The following PHACTR2 variants were observed in gnomAD, a reference collection of about 807,000 sequenced individuals.
The protein encoded by PHACTR2 is chromosome 6 open reading frame 56.
A neutral mutation model predicts 76.0 loss-of-function variants in PHACTR2; 30 were observed. The observed-to-expected ratio is 0.39, with a 90% CI of 0.30 to 0.54. The LOEUF (loss-of-function observed/expected upper bound fraction) is 0.54, where lower values mean the gene tolerates loss of function less well. PHACTR2 is among the 20% of genes least tolerant of loss of function. The probability of loss-of-function intolerance (pLI) is 0.61; values close to 1 mark genes in which losing one functional copy is unlikely to be tolerated. For missense variants in PHACTR2, 696 were observed against 781.1 expected (o/e 0.89, Z 1.30); for synonymous variants, 292 against 292.5 (o/e 1.00, Z 0.02).
chr6:143,792,314 T>A (rs568410296), intron 11 of PHACTR2, among the ~76,000 whole-genome samples: 1 of 152,126 alleles, frequency 6.6e-6, no homozygotes, highest in African/African-American at 2.4e-5. Context: ...GCATTTTAAT[T>A]GTTTTTCAAT....
chr6:143,611,933 AAAG>A lies in PHACTR2; in HGVS notation c.13+3612_13+3614del, dbSNP rs1180725298. ...GGAGGCAGGGAGAACTGCAGCAGTC[AAAG>A]GAGACCCTGGAGGTTTCCCGTTAGA... On this transcript the variant is annotated intron_variant, in intron 1 of 11. Transcript: ENST00000305766. The surrounding 1 kb of genome is among the most constrained non-coding windows in gnomAD (Gnocchi z 4.4). Among the ~76,000 whole-genome samples the A allele has an allele frequency of 6.6e-6, 1 of 152,208 alleles. No individual in the cohort carries two copies. The highest frequency in any genetic ancestry group is 1.5e-5 in the Non-Finnish European group (1 of 68,026).
chr6:143,731,424 A>C lies in PHACTR2; in HGVS notation c.215-17561A>C, dbSNP rs1444808138. 6.6e-6 allele frequency among the ~76,000 whole-genome samples: 1 copy of C among 152,088 alleles called. No individual in the cohort carries two copies. The highest frequency in any genetic ancestry group is 1.9e-4 in the East Asian group (1 of 5,184). Reference sequence around the variant, plus strand: ...TGCCTCAGCCTCCGGAGTAGCTGGGATTATAGGCATGAGCCACCACGCCCG... The same window carrying C: ...TGCCTCAGCCTCCGGAGTAGCTGGGCTTATAGGCATGAGCCACCACGCCCG... On this transcript the variant is annotated intron_variant, in intron 2 of 12. Coordinates refer to ENST00000440869, the MANE Select transcript of PHACTR2 (RefSeq NM_001100164.2). The surrounding 1 kb of genome is among the most constrained non-coding windows in gnomAD (Gnocchi z 4.9).
chr6:143,544,267 C>T (rs991620647), intron 1 of PHACTR2, among the ~76,000 whole-genome samples: 29 of 152,046 alleles, frequency 1.9e-4, no homozygotes, highest in Middle Eastern at 3.4e-3. Flanking sequence ...GGAAGGAAGG[C>T]GGGCAGGCTC....
In PHACTR2 at chr6:143,760,801, G is replaced by A. The variant is rs1779424536; in HGVS notation, c.694+161G>A. ...AGAATGCCCAGGAGATTCCTTTGTT[G>A]CTCTCTACCAAAGGAAATTCAACCC... On this transcript the variant is annotated intron_variant, in intron 5 of 12. Coordinates refer to ENST00000440869, the MANE Select transcript of PHACTR2 (RefSeq NM_001100164.2). This position sits in a 1 kb window ranked among gnomAD's most constrained non-coding sequence, Gnocchi z 6.4. Among the ~76,000 whole-genome samples the A allele has an allele frequency of 6.6e-6, 1 of 152,140 alleles. No individual in the cohort carries two copies. Among genetic ancestry groups the A allele is most frequent in the African/African-American group, 2.4e-5 (1 of 41,416 alleles).
rs930471077 is a variant in PHACTR2 at position 143,672,443 on chromosome 6, A to G, written c.14-39573A>G. ...ACCACTGCACTCCAGCCTGGGCCAC[A>G]GAGCAAGACGCTGTCTCAAAAACAA... On this transcript the variant is annotated intron_variant, in intron 1 of 11. Transcript: ENST00000305766. The surrounding 1 kb of genome is among the most constrained non-coding windows in gnomAD (Gnocchi z 5.8). Among the ~76,000 whole-genome samples the G allele has an allele frequency of 6.6e-6, 1 of 152,190 alleles. No individual in the cohort carries two copies. The highest frequency in any genetic ancestry group is 2.4e-5 in the African/African-American group (1 of 41,444).
intron 7 of PHACTR2, among the ~76,000 whole-genome samples, chr6:143,773,255 TA>T (rs982179034): frequency 6.6e-6 from 1 of 151,946 alleles, no homozygotes; most frequent in Admixed American, 6.6e-5. Context: ...TTGCTAGCAT[TA>T]AAAAAAATCA....
chr6:143,603,477 G>A (rs1440506877), upstream of PHACTR2, among the ~76,000 whole-genome samples: 4 of 151,284 alleles, frequency 2.6e-5, no homozygotes, highest in Non-Finnish European at 5.9e-5. Context: ...AGAAGCAAAC[G>A]TTATCCAGAA....
In PHACTR2 at chr6:143,554,134, C is replaced by T. The variant is rs533441050; in HGVS notation, c.217+16927C>T. On this transcript the variant is annotated intron_variant, in intron 1 of 11. Transcript: ENST00000367584. This position sits in a 1 kb window ranked among gnomAD's most constrained non-coding sequence, Gnocchi z 5.9. ...AAGTTTGGGAGATAACTATTTCATT[C>T]ATATCAATATCAACTTAGGAGTGAA... Among the ~76,000 whole-genome samples, 1 of 152,246 alleles carries T rather than the reference C, an allele frequency of 6.6e-6. No individual in the cohort carries two copies. The highest frequency in any genetic ancestry group is 2.1e-4 in the South Asian group (1 of 4,826).
At chr6:143,686,163 A>G (rs1000962267) in intron 1 of PHACTR2, among the ~76,000 whole-genome samples, 9 of 151,634 alleles carry the variant, frequency 5.9e-5, no homozygotes, top group South Asian at 2.1e-4. Context: ...CTTAGACTAC[A>G]CTTAGACCCA....
intron 6 of PHACTR2, among the ~76,000 whole-genome samples, chr6:143,768,218 G>A (rs1774993073): frequency 2.0e-5 from 3 of 152,142 alleles, no homozygotes; most frequent in Admixed American, 2.0e-4. Flanking sequence ...CACAGCAAAT[G>A]TCTTCATTTA....
Position 143,537,127 on chromosome 6 carries a change from G to T in PHACTR2, c.137G>T (p.Ser46Ile). 1 of 313,074 alleles carries T rather than the reference G, an allele frequency of 3.2e-6. No individual in the cohort carries two copies. Among genetic ancestry groups the T allele is most frequent in the Non-Finnish European group, 6.2e-6 (1 of 160,504 alleles). 19.4% of individuals were successfully genotyped at this position (313,074 alleles called of 1,614,324 possible). ...CTGCGCTGGCTTCCCGGGGACCCGAGCCCCCGCGGCCGCTCACAGAGCGAC... is the reference window on the plus strand; with the variant it reads ...CTGCGCTGGCTTCCCGGGGACCCGATCCCCCGCGGCCGCTCACAGAGCGAC... The change falls in exon 1 of 12, where the codon AGC becomes ATC. Residue 46 changes from serine (S) to isoleucine (I), a missense_variant. Transcript: ENST00000367584. The surrounding 1 kb of genome is among the most constrained non-coding windows in gnomAD (Gnocchi z 4.4).
intron 1 of PHACTR2, among the ~76,000 whole-genome samples, chr6:143,706,511 G>A (rs574349427): frequency 1.6e-4 from 25 of 152,168 alleles, no homozygotes; most frequent in South Asian, 4.2e-4. Context: ...TTACTCTCTC[G>A]CTTATCTGTA....
rs1040768097 is a variant in PHACTR2, at chr6:143,800,530, G to A, written c.1846-6527G>A. ...CCTGCATCGGCCTCCCAAAGTGCTGGGATTACAGGTGTGAGCCACCGCACC... is the reference window on the plus strand; with the variant it reads ...CCTGCATCGGCCTCCCAAAGTGCTGAGATTACAGGTGTGAGCCACCGCACC... On this transcript the variant is annotated intron_variant, in intron 11 of 12. Transcript: ENST00000440869. The surrounding 1 kb of genome is among the most constrained non-coding windows in gnomAD (Gnocchi z 4.8). 1.3e-5 allele frequency among the ~76,000 whole-genome samples: 2 copies of A among 152,054 alleles called. No individual in the cohort carries two copies. The highest frequency in any genetic ancestry group is 2.1e-4 in the South Asian group (1 of 4,814).
intron 1 of PHACTR2, among the ~76,000 whole-genome samples, chr6:143,574,074 G>A (rs1775479845): frequency 6.6e-6 from 1 of 152,186 alleles, no homozygotes; most frequent in Non-Finnish European, 1.5e-5. Flanking sequence ...CTCATCTGGA[G>A]CCTGACTGGG....
In PHACTR2 at chr6:143,590,228, T is replaced by G. The variant is rs1446094417; in HGVS notation, c.217+53021T>G. ...TTTTAGTTTGGTATTTTCCCCGTAT[T>G]TGGTCTTCCAGTCAGTAAAACTTTT... is the stretch of plus-strand genomic sequence containing the variant. On this transcript the variant is annotated intron_variant, in intron 1 of 11. Coordinates refer to the PHACTR2 transcript ENST00000367584. 7.9e-5 allele frequency among the ~76,000 whole-genome samples: 12 copies of G among 152,306 alleles called. No homozygotes were observed. In the East Asian group the frequency reaches 1.9e-3, roughly 24 times the overall value.
chr6:143,751,237 C>G lies in PHACTR2; in HGVS notation c.295+2172C>G, dbSNP rs145883555. Reference sequence around the variant, plus strand: ...CCCTCTAGCTACCCTGAGTCTGACCCCATCCCACCATATCCCATACTCTCC... The same window carrying G: ...CCCTCTAGCTACCCTGAGTCTGACCGCATCCCACCATATCCCATACTCTCC... On this transcript the variant is annotated intron_variant, in intron 3 of 12. Transcript: ENST00000440869. The surrounding 1 kb of genome is among the most constrained non-coding windows in gnomAD (Gnocchi z 5.7). 6.8e-3 allele frequency among the ~76,000 whole-genome samples: 1,029 copies of G among 152,286 alleles called. 4 individuals carry two copies. Among genetic ancestry groups the G allele is most frequent in the Admixed American group, 0.011 (161 of 15,292 alleles).
chr6:143,593,820 T>C (rs1775719926), intron 1 of PHACTR2, among the ~76,000 whole-genome samples: 1 of 152,228 alleles, frequency 6.6e-6, no homozygotes, highest in African/African-American at 2.4e-5. Flanking sequence ...CTCTATGTTA[T>C]CTCACTTCAA....
Position 143,619,848 on chromosome 6 carries a change from A to G in PHACTR2, c.13+11526A>G, listed in dbSNP as rs78916151. Reference sequence around the variant, plus strand: ...GTCCCAAACTTTGACAGCGGTCAGTATGGTATAAAGAGTGAAAATATCTTA... The same window carrying G: ...GTCCCAAACTTTGACAGCGGTCAGTGTGGTATAAAGAGTGAAAATATCTTA... On this transcript the variant is annotated intron_variant, in intron 1 of 11. Coordinates refer to the PHACTR2 transcript ENST00000305766. This position sits in a 1 kb window ranked among gnomAD's most constrained non-coding sequence, Gnocchi z 4.5. Among the ~76,000 whole-genome samples, 21 of 152,290 alleles carry G rather than the reference A, an allele frequency of 1.4e-4. No individual in the cohort carries two copies. In the East Asian group the frequency reaches 4.1e-3, roughly 29 times the overall value.
chr6:143,796,510 C>A (rs1775826990), intron 11 of PHACTR2, among the ~76,000 whole-genome samples: 1 of 151,946 alleles, frequency 6.6e-6, no homozygotes. Flanking sequence ...TTGCTGCACC[C>A]ATCAACCCAT....
Sources: gnomAD v4.1 joint callset for allele counts (sites outside exome capture counted in the v4.1 genomes callset) on GRCh38, gnomAD v4.1.1 for gene constraint, Gnocchi (gnomAD v3.1) non-coding constraint, MANE v1.5 for transcripts, NCBI Gene and HGNC (gene_info 2026-07-23, HGNC 2026-07-21) for gene names.